The following PITPNM1 variants were observed in gnomAD, a reference collection of about 807,000 sequenced individuals.
PITPNM1 encodes membrane-associated phosphatidylinositol transfer protein 1.
Under a neutral mutation model 133.3 loss-of-function variants are expected in PITPNM1, and 74 were observed. The ratio of observed to expected loss-of-function variants is 0.56; its 90% CI spans 0.46 to 0.67. PITPNM1 has a LOEUF of 0.67. Among genes scored for constraint, PITPNM1 ranks in the 30% least tolerant of loss-of-function variants. The probability of loss-of-function intolerance (pLI) is 0.00; values close to 1 mark genes in which losing one functional copy is unlikely to be tolerated. For synonymous variants in PITPNM1, 738 were observed against 741.4 expected (o/e 1.00, Z 0.08); for missense variants, 1,398 against 1,739.5 (o/e 0.80, Z 3.49).
chr11:67,495,305 C>T, intron 16 of PITPNM1, 80 bp from the exon 17 acceptor site: 2 of 1,486,070 alleles, frequency 1.3e-6, no homozygotes, highest in Non-Finnish European at 1.8e-6. Context: ...CTTCCCTCCC[C>T]CCTTTTCACC....
In PITPNM1 at chr11:67,497,571, G is replaced by T. The variant is rs139895981; in HGVS notation, c.1891C>A (p.Arg631Ser). ...SPEPSALPPQ[R>S]IPSDMASPEP... ...GGACTGGCCATGTCGCTGGGGATGCGCTGGGGAGGCAAGGCCGAGGGTTCT... is the reference window on the plus strand; with the variant it reads ...GGACTGGCCATGTCGCTGGGGATGCTCTGGGGAGGCAAGGCCGAGGGTTCT... Residue 631 changes from arginine to serine, a missense_variant, in exon 13 of 24, where the codon CGC becomes AGC. By Grantham distance (110) the Arg-to-Ser change is moderately radical. This residue lies in a region of PITPNM1 where 574 missense variants were observed against 698.7 expected (regional missense o/e 0.82). Transcript: ENST00000356404. The T allele has an allele frequency of 9.9e-6, 16 of 1,608,452 alleles. No individual in the cohort carries two copies. The highest frequency in any genetic ancestry group is 1.4e-5 in the Non-Finnish European group (16 of 1,178,648).
chr11:67,493,365 A>G, intron 22 of PITPNM1, 45 bp downstream of exon 22: 1 of 1,488,550 alleles, frequency 6.7e-7, no homozygotes, highest in Non-Finnish European at 9.1e-7. Flanking sequence ...GGTAAGGGGG[A>G]GCGGGGGCGG....
chr11:67,494,307 G>A lies in PITPNM1; in HGVS notation c.2796C>T (p.Pro932=), dbSNP rs200700004. The A allele has an allele frequency of 8.0e-5, 129 of 1,612,144 alleles. No individual in the cohort carries two copies. Among genetic ancestry groups the A allele is most frequent in the Non-Finnish European group, 1.1e-4 (124 of 1,179,724 alleles). The part of the protein sequence containing the change: ...ASDTVVCEGR[P]QVLSGRFMYG... ...ACATGAAGCGCCCGCTTAGCACCTG[G>A]GGGCGGCCCTCGCACACCACCGTGT... Residue 932 remains proline (P), a synonymous_variant, in exon 19 of 24, where the codon CCC becomes CCT. Coordinates refer to ENST00000356404, the MANE Select transcript of PITPNM1 (RefSeq NM_004910.3).
chr11:67,502,766 A>T lies in PITPNM1; in HGVS notation c.79-48T>A, dbSNP rs770822194. On this transcript the variant is annotated intron_variant, in intron 2 of 23. Coordinates refer to ENST00000356404, the MANE Select transcript of PITPNM1 (RefSeq NM_004910.3). This position sits in a 1 kb window ranked among gnomAD's most constrained non-coding sequence, Gnocchi z 5.9. ...ACAGGGAGCTCAGCCCCAGCTTAGC[A>T]TCTGGGATCCCCAGCTCAGCCTGGT... The T allele has an allele frequency of 6.4e-7, 1 of 1,571,138 alleles. No individual in the cohort carries two copies. Among genetic ancestry groups the T allele is most frequent in the Non-Finnish European group, 8.7e-7 (1 of 1,145,204 alleles).
chr11:67,493,563 C>T lies in PITPNM1; in HGVS notation c.3189G>A (p.Val1063=). 1 of 1,559,158 alleles carries T rather than the reference C, an allele frequency of 6.4e-7. No homozygotes were observed. The highest frequency in any genetic ancestry group is 1.4e-5 in the African/African-American group (1 of 73,736). Residue 1063 remains valine, a synonymous_variant, in exon 22 of 24, where the codon GTG becomes GTA. Coordinates refer to ENST00000356404, the MANE Select transcript of PITPNM1 (RefSeq NM_004910.3). ...RHWQDSGYLI[V]YVTGRPDMQK... ...GCATATCCGGCCGGCCTGTGACATA[C>T]ACGATCAGGTAGCCGGAGTCCTGCC...
rs1866013073 is a variant in PITPNM1, at chr11:67,493,771, G to T, written c.3075C>A (p.Phe1025Leu). The T allele has an allele frequency of 2.6e-6, 4 of 1,549,782 alleles. No homozygotes were observed. The change falls in exon 21 of 24, where the codon TTC becomes TTA. Residue 1025 changes from phenylalanine (F) to leucine (L), a missense_variant. Around this residue, in one of 5 missense-constraint regions of PITPNM1, gnomAD observed 233 missense variants for 378.0 expected, o/e 0.62. Transcript: ENST00000356404. ...TGGCGGTGAAGGAGCCGTCGATGCT[G>T]AAGACCACAGCCTCCGTGCCGCGGG... ...VVARGTEAVV[F>L]SIDGSFTASV...
chr11:67,493,106 T>G, intron 22 of PITPNM1, 44 bp from the exon 23 acceptor site: 1 of 1,609,840 alleles, frequency 6.2e-7, no homozygotes, highest in South Asian at 1.1e-5. Flanking sequence ...GGTGGAGCCG[T>G]GCAGCTGGGG....
upstream of PITPNM1, chr11:67,506,190 C>T (rs934549016): frequency 3.2e-5 from 5 of 157,148 alleles, no homozygotes; most frequent in Non-Finnish European, 7.1e-5. Flanking sequence ...ACTGGCATTT[C>T]CATGCTGCCA....
intron 12 of PITPNM1, 95 bp from the exon 13 acceptor site, chr11:67,497,774 G>A: frequency 1.3e-6 from 2 of 1,543,406 alleles, no homozygotes; most frequent in Non-Finnish European, 1.8e-6. Flanking sequence ...GGGTTGGGCA[G>A]AGCAGAATTC....
At chr11:67,493,337 G>T (rs1285862833) in intron 22 of PITPNM1, 73 bp downstream of exon 22, 1 of 1,415,428 alleles carries the variant, frequency 7.1e-7, no homozygotes, top group African/African-American at 1.4e-5. Flanking sequence ...ATGGGCCTCC[G>T]CCGATCCGGG....
chr11:67,502,742 C>T lies in PITPNM1; in HGVS notation c.79-24G>A. The T allele has an allele frequency of 6.2e-7, 1 of 1,600,792 alleles. No individual in the cohort carries two copies. The highest frequency in any genetic ancestry group is 8.5e-7 in the Non-Finnish European group (1 of 1,169,882). ...TTCTGTGGCCCAAGGGAGAGCAGGA[C>T]AGGGAGCTCAGCCCCAGCTTAGCAT... On this transcript the variant is annotated intron_variant, in intron 2 of 23. Transcript: ENST00000356404. This position sits in a 1 kb window ranked among gnomAD's most constrained non-coding sequence, Gnocchi z 5.9.
chr11:67,493,032 A>G lies in PITPNM1; in HGVS notation c.3373T>C (p.Ser1125Pro). The change falls in exon 23 of 24, where the codon TCT becomes CCT. Residue 1125 changes from serine to proline, a missense_variant. Ser to Pro is a moderately conservative substitution (Grantham distance 74). This residue lies in a region of PITPNM1 where 233 missense variants were observed against 378.0 expected (regional missense o/e 0.62). Coordinates refer to ENST00000356404, the MANE Select transcript of PITPNM1 (RefSeq NM_004910.3). Reference protein sequence around the residue: ...VELNIVAGYGSPKDVAVYAAL... With the variant: ...VELNIVAGYGPPKDVAVYAAL... ...GCGTATACAGCCACATCTTTGGGAG[A>G]CCCATAACCGGCCACGATGTTCAGT... 1 of 1,612,996 alleles carries G rather than the reference A, an allele frequency of 6.2e-7. No homozygotes were observed. Among genetic ancestry groups the G allele is most frequent in the Non-Finnish European group, 8.5e-7 (1 of 1,179,916 alleles).
rs1211875037 is a variant in PITPNM1, at chr11:67,494,056, G to A, written c.2874C>T (p.Ile958=). 1.2e-6 allele frequency: 2 copies of A among 1,607,148 alleles called. No individual in the cohort carries two copies. The highest frequency in any genetic ancestry group is 4.5e-5 in the East Asian group (2 of 44,760). Residue 958 remains isoleucine (I), a synonymous_variant, in exon 20 of 24, where the codon ATC becomes ATT. Coordinates refer to ENST00000356404, the MANE Select transcript of PITPNM1 (RefSeq NM_004910.3). ...TLTGEKVDVY[I]MTQPLSGKWI... ...ACTTGCCCGACAGCGGCTGCGTCATGATGTAGACATCCACCTGGAGGGGAG... is the reference window on the plus strand; with the variant it reads ...ACTTGCCCGACAGCGGCTGCGTCATAATGTAGACATCCACCTGGAGGGGAG...
Position 67,504,261 on chromosome 11 carries a change from T to G in PITPNM1, c.-41-40A>C. 223 of 800,852 alleles carry G rather than the reference T, an allele frequency of 2.8e-4. No individual in the cohort carries two copies. Among genetic ancestry groups the G allele is most frequent in the East Asian group, 5.5e-4 (13 of 23,744 alleles). The allele number at this position is 800,852 out of a possible 1,614,324, so 49.6% of individuals were successfully genotyped here. On this transcript the variant is annotated intron_variant, in intron 1 of 23. Coordinates refer to ENST00000356404, the MANE Select transcript of PITPNM1 (RefSeq NM_004910.3). The surrounding 1 kb of genome is among the most constrained non-coding windows in gnomAD (Gnocchi z 5.4). ...GGCGCGACAGTCAGTGCGGGGAGGC[T>G]GCGCGCGGCCCCGAGCCCTGCGCGC...
intron 17 of PITPNM1, 47 bp from the exon 18 acceptor site, chr11:67,495,003 G>A (rs1210407420): frequency 9.4e-6 from 15 of 1,603,144 alleles, no homozygotes; most frequent in Non-Finnish European, 1.3e-5. Flanking sequence ...GGGAGGGAGG[G>A]CTGCCCCTCC....
In PITPNM1 at chr11:67,493,731, C is replaced by T; in HGVS notation, c.3115G>A (p.Gly1039Ser). The change falls in exon 21 of 24, where the codon GGC becomes AGC. Residue 1039 changes from glycine (G) to serine (S), a missense_variant. Gly to Ser is a moderately conservative substitution (Grantham distance 56). Around this residue, in one of 5 missense-constraint regions of PITPNM1, gnomAD observed 233 missense variants for 378.0 expected, o/e 0.62. Transcript: ENST00000356404. ...CCAGCTCGCACCTTGGGGTCGCTGC[C>T]CATGATGGAGACGCTGGCGGTGAAG... The part of the protein sequence containing the change: ...GSFTASVSIM[G>S]SDPKVRAGAV... The T allele has an allele frequency of 1.3e-6, 2 of 1,548,218 alleles. No homozygotes were observed. The highest frequency in any genetic ancestry group is 1.7e-6 in the Non-Finnish European group (2 of 1,147,138).
chr11:67,492,205 C>A lies in PITPNM1; in HGVS notation c.3563G>T (p.Gly1188Val), dbSNP rs1327910369. The part of the protein sequence containing the change: ...ASSGPPRAAL[G>V]KSSYGVAAPV... ...GGCAGCCACACCATAGCTGCTCTTGCCCAAGGCAGCTCTCGGGGGTCCCGA... is the reference window on the plus strand; with the variant it reads ...GGCAGCCACACCATAGCTGCTCTTGACCAAGGCAGCTCTCGGGGGTCCCGA... The change falls in exon 24 of 24, where the codon GGC becomes GTC. Residue 1188 changes from glycine (G) to valine (V), a missense_variant. By Grantham distance (109) the Gly-to-Val change is moderately radical (BLOSUM62 -3). This residue lies in a region of PITPNM1 where 122 missense variants were observed against 123.3 expected (regional missense o/e 0.99). Transcript: ENST00000356404. The A allele has an allele frequency of 1.2e-6, 2 of 1,610,716 alleles. No individual in the cohort carries two copies. The highest frequency in any genetic ancestry group is 8.5e-7 in the Non-Finnish European group (1 of 1,179,302).
At chr11:67,499,127 T>A in intron 8 of PITPNM1, 126 bp from the exon 9 acceptor site, 1 of 876,374 alleles carries the variant, frequency 1.1e-6, no homozygotes, top group Non-Finnish European at 1.7e-6. Context: ...TCCAAACTTC[T>A]CCTCCCACCA....
chr11:67,495,358 G>A (rs902736136), intron 16 of PITPNM1, 80 bp downstream of exon 16: 5 of 1,458,600 alleles, frequency 3.4e-6, no homozygotes, highest in Non-Finnish European at 4.5e-6. Flanking sequence ...CTGGGGGAAA[G>A]GGTTTCTCAG....
Sources: allele counts gnomAD v4.1 joint callset, GRCh38; gene constraint gnomAD v4.1.1; regional missense constraint gnomAD v4.1.1; non-coding constraint Gnocchi (gnomAD v3.1); transcripts MANE v1.5; gene names NCBI Gene and HGNC (gene_info 2026-07-23, HGNC 2026-07-21).